HS3ST5: variants seen among roughly 807,000 people sequenced by gnomAD.
HS3ST5 encodes the protein heparan sulfate-glucosamine 3-sulfotransferase 5.
Under a neutral mutation model 25.4 loss-of-function variants are expected in HS3ST5, and 10 were observed. The ratio of observed to expected loss-of-function variants is 0.39; its 90% CI spans 0.24 to 0.67. The LOEUF is 0.67. HS3ST5 is among the 30% of genes least tolerant of loss of function. The pLI is 0.44. For synonymous variants in HS3ST5, 170 were observed against 162.4 expected (o/e 1.05, Z -0.36); for missense variants, 324 against 420.7 (o/e 0.77, Z 2.01).
At chr6:114,216,533 GAC>G (rs564555850) in intron 2 of HS3ST5, among the ~76,000 whole-genome samples, 34 of 151,964 alleles carry the variant, frequency 2.2e-4, no homozygotes, top group Non-Finnish European at 4.1e-4. Context: ...CATACATATA[GAC>G]ACACATATCC....
intron 2 of HS3ST5, among the ~76,000 whole-genome samples, chr6:114,225,666 G>T (rs1315224928): frequency 1.3e-5 from 2 of 151,838 alleles, no homozygotes; most frequent in African/African-American, 4.8e-5. Flanking sequence ...TCACATAAAA[G>T]AATGTATCTA....
intron 1 of HS3ST5, among the ~76,000 whole-genome samples, chr6:114,240,600 G>C (rs1186929940): frequency 6.6e-6 from 1 of 152,158 alleles, no homozygotes; most frequent in Non-Finnish European, 1.5e-5. Context: ...AACTGCAGTA[G>C]ATGCACAAAT....
chr6:114,273,294 A>G (rs749836017), intron 1 of HS3ST5, among the ~76,000 whole-genome samples: 8 of 152,092 alleles, frequency 5.3e-5, no homozygotes, highest in Non-Finnish European at 8.8e-5. Context: ...CACTATTACC[A>G]TCTACTGAGA....
At chr6:114,182,753 C>A (rs1431642469) in intron 2 of HS3ST5, among the ~76,000 whole-genome samples, 1 of 152,112 alleles carries the variant, frequency 6.6e-6, no homozygotes. Flanking sequence ...GTTATACCAG[C>A]CTGTGATTTA....
At chr6:114,090,703 A>G (rs1448837262) in intron 3 of HS3ST5, among the ~76,000 whole-genome samples, 1 of 152,350 alleles carries the variant, frequency 6.6e-6, no homozygotes, top group East Asian at 1.9e-4. Context: ...AATAAAGTGA[A>G]GCAATTCCTT....
intron 1 of HS3ST5, among the ~76,000 whole-genome samples, chr6:114,330,894 C>T (rs1433163937): frequency 2.0e-5 from 3 of 152,180 alleles, no homozygotes; most frequent in Non-Finnish European, 2.9e-5. Flanking sequence ...ACCACTGGCA[C>T]AGGAAGGCAG....
At chr6:114,142,899 C>A (rs1010053534) in intron 3 of HS3ST5, 1 of 152,172 alleles carries the variant, frequency 6.6e-6, no homozygotes, top group African/African-American at 2.4e-5. Flanking sequence ...GCCTTAGTAC[C>A]ACAGCAATTA....
rs576328121 is a variant in HS3ST5 at position 114,304,737 on chromosome 6, C to T, written c.-339+37458G>A. Among the ~76,000 whole-genome samples, 5 of 152,008 alleles carry T rather than the reference C, an allele frequency of 3.3e-5. No homozygotes were observed. The South Asian group carries it at 1.0e-3, about 32-fold the overall frequency. On this transcript the variant is annotated intron_variant, in intron 1 of 4. Transcript: ENST00000312719. ...AACATTGTTATGAAAAATAACTGTC[C>T]TTTCCAAGCAAACAAAAACTGCAAG...
chr6:114,334,756 T>G (rs535921317), intron 1 of HS3ST5, among the ~76,000 whole-genome samples: 3 of 152,176 alleles, frequency 2.0e-5, no homozygotes, highest in Non-Finnish European at 4.4e-5. Context: ...AATGACAAAA[T>G]CAGCTAACAA....
intron 1 of HS3ST5, among the ~76,000 whole-genome samples, chr6:114,339,934 A>G (rs569503956): frequency 6.6e-6 from 1 of 152,324 alleles, no homozygotes; most frequent in East Asian, 1.9e-4. Flanking sequence ...CTACAGTTCT[A>G]TTTACACTGT....
intron 1 of HS3ST5, among the ~76,000 whole-genome samples, chr6:114,327,325 T>C (rs1311322776): frequency 6.6e-6 from 1 of 152,152 alleles, no homozygotes; most frequent in African/African-American, 2.4e-5. Context: ...CCTTGTTCTT[T>C]AGCTATGTCC....
intron 2 of HS3ST5, among the ~76,000 whole-genome samples, chr6:114,216,721 TC>T (rs1781783938): frequency 2.1e-5 from 2 of 95,132 alleles, no homozygotes; most frequent in South Asian, 8.7e-4. Flanking sequence ...AACAGAATCG[TC>T]CTCCTTAAAA....
At chr6:114,152,440 T>G (rs926454034) in intron 3 of HS3ST5, among the ~76,000 whole-genome samples, 3 of 152,220 alleles carry the variant, frequency 2.0e-5, no homozygotes, top group African/African-American at 7.2e-5. Context: ...AATTTAAGCT[T>G]TTGAGGATAT....
At chr6:114,267,885 A>G (rs1773476181) in intron 1 of HS3ST5, among the ~76,000 whole-genome samples, 3 of 152,186 alleles carry the variant, frequency 2.0e-5, no homozygotes, top group Admixed American at 6.5e-5. Flanking sequence ...AACTTTTATT[A>G]TTAACCTCCC....
intron 3 of HS3ST5, among the ~76,000 whole-genome samples, chr6:114,078,837 C>A (rs974013016): frequency 2.0e-5 from 3 of 152,156 alleles, no homozygotes; most frequent in Non-Finnish European, 1.5e-5. Context: ...GTAGTATAGG[C>A]ACACCTTGGA....
intron 3 of HS3ST5, among the ~76,000 whole-genome samples, chr6:114,063,834 C>T (rs1156280334): frequency 1.3e-5 from 2 of 152,050 alleles, no homozygotes; most frequent in Non-Finnish European, 2.9e-5. Context: ...GAAACATGTT[C>T]GGACTAGATG....
At chr6:114,237,036 A>G (rs2114565125) in intron 1 of HS3ST5, among the ~76,000 whole-genome samples, 1 of 152,386 alleles carries the variant, frequency 6.6e-6, no homozygotes, top group Middle Eastern at 3.4e-3. Context: ...GAGTCTACAT[A>G]TGCTAAAATG....
intron 1 of HS3ST5, among the ~76,000 whole-genome samples, chr6:114,270,131 T>C (rs905673402): frequency 2.0e-5 from 3 of 152,194 alleles, no homozygotes; most frequent in Non-Finnish European, 4.4e-5. Context: ...AAAGTTGATA[T>C]GATGCTGAGA....
At chr6:114,288,444 A>G (rs1774432403) in intron 1 of HS3ST5, among the ~76,000 whole-genome samples, 1 of 152,110 alleles carries the variant, frequency 6.6e-6, no homozygotes, top group African/African-American at 2.4e-5. Context: ...GCAGACAGCA[A>G]CATTTTAAAG....
Sources: allele counts gnomAD v4.1 joint callset (sites outside exome capture counted in the v4.1 genomes callset), GRCh38; gene constraint gnomAD v4.1.1; transcripts MANE v1.5; gene names NCBI Gene and HGNC (gene_info 2026-07-23, HGNC 2026-07-21).